The following FAM227B variants were observed in gnomAD, a reference collection of about 807,000 sequenced individuals.
FAM227B encodes the protein family with sequence similarity 227 member B, also known as protein FAM227B.
A neutral mutation model predicts 73.8 loss-of-function variants in FAM227B; 88 were observed. The observed-to-expected ratio is 1.19, with a 90% CI of 1.00 to 1.42. FAM227B has a LOEUF of 1.42. Among genes scored for constraint, FAM227B ranks in the 40% most tolerant of loss-of-function variants. The pLI, the probability that FAM227B is intolerant of heterozygous loss-of-function variation, is 0.00. For missense variants in FAM227B, 632 were observed against 590.9 expected, an observed-to-expected ratio of 1.07 and a Z score of -0.72; for synonymous variants, 210 against 190.5, an observed-to-expected ratio of 1.10 and a Z score of -0.84.
At chr15:49,365,750 A>G in intron 13 of FAM227B, 1 of 864,166 alleles carries the variant, frequency 1.2e-6, no homozygotes, top group South Asian at 1.3e-5. Context: ...ATCCAAGCCC[A>G]CCTGTCTTCA....
intron 11 of FAM227B, chr15:49,486,381 G>A (rs984922333): frequency 6.6e-6 from 1 of 151,946 alleles, no homozygotes; most frequent in African/African-American, 2.4e-5. Flanking sequence ...TTGCTAGCTA[G>A]GTTTTGAGGT....
At chr15:49,470,050 TTTA>T (rs2054598543) in intron 11 of FAM227B, among the ~76,000 whole-genome samples, 1 of 152,180 alleles carries the variant, frequency 6.6e-6, no homozygotes, top group African/African-American at 2.4e-5. Flanking sequence ...TCTGGTAAAA[TTTA>T]AGCCCTGCAT....
intron 9 of FAM227B, among the ~76,000 whole-genome samples, chr15:49,551,658 T>C (rs1474104526): frequency 6.6e-6 from 1 of 152,226 alleles, no homozygotes; most frequent in Non-Finnish European, 1.5e-5. Flanking sequence ...TTCTGTGTTC[T>C]TCTCTTCCTT....
intron 9 of FAM227B, among the ~76,000 whole-genome samples, chr15:49,546,820 A>G (rs1031017975): frequency 6.6e-6 from 1 of 152,206 alleles, no homozygotes; most frequent in Admixed American, 6.5e-5. Context: ...TGTACCTGAA[A>G]GTGATGGGGA....
chr15:49,568,255 G>A lies in FAM227B; in HGVS notation c.737C>T (p.Ala246Val). ...AATTTCAATGCTTACCTGAAAAAATGCATCCTTTCGACTTAGAGGTATGCT... is the reference window on the plus strand; with the variant it reads ...AATTTCAATGCTTACCTGAAAAAATACATCCTTTCGACTTAGAGGTATGCT... ...FMSIPLSRKDAFFQIYPDCLA... is the reference protein window; with the variant it reads ...FMSIPLSRKDVFFQIYPDCLA... Residue 246 changes from alanine (A) to valine (V), a missense_variant, in exon 9 of 16, where the codon GCA becomes GTA. By Grantham distance (64) the Ala-to-Val change is moderately conservative. Coordinates refer to ENST00000299338, the MANE Select transcript of FAM227B (RefSeq NM_152647.3). 1 of 1,604,176 alleles carries A rather than the reference G, an allele frequency of 6.2e-7. No individual in the cohort carries two copies. Among genetic ancestry groups the A allele is most frequent in the Admixed American group, 1.7e-5 (1 of 58,370 alleles).
chr15:49,416,072 T>A (rs1017443003), intron 11 of FAM227B, among the ~76,000 whole-genome samples: 1 of 151,972 alleles, frequency 6.6e-6, no homozygotes, highest in African/African-American at 2.4e-5. Flanking sequence ...TTCATTCACC[T>A]CTCACTACTT....
intron 11 of FAM227B, among the ~76,000 whole-genome samples, chr15:49,481,790 C>T (rs2055971192): frequency 6.6e-6 from 1 of 151,818 alleles, no homozygotes; most frequent in African/African-American, 2.4e-5. Flanking sequence ...TTAATAAAAC[C>T]CAATTTCTAG....
chr15:49,422,145 AGTGT>A (rs1555477439), intron 11 of FAM227B, among the ~76,000 whole-genome samples: 1 of 139,822 alleles, frequency 7.2e-6, no homozygotes, highest in Non-Finnish European at 1.6e-5. Flanking sequence ...AGAGAGAGAG[AGTGT>A]GTGTGTGTGT....
Position 49,371,377 on chromosome 15 carries a change from C to G in FAM227B, c.1035G>C (p.Lys345Asn). 1.9e-6 allele frequency: 3 copies of G among 1,576,886 alleles called. No individual in the cohort carries two copies. The highest frequency in any genetic ancestry group is 2.6e-6 in the Non-Finnish European group (3 of 1,157,508). Reference sequence around the variant, plus strand: ...TATATGCTCTTGGGTTGTTCAGAATCTTTATAATATTGAAGTCGATACCTA... The same window carrying G: ...TATATGCTCTTGGGTTGTTCAGAATGTTTATAATATTGAAGTCGATACCTA... ...ISTSIDFNIIKILNNPRAYTL... is the reference protein window; with the variant it reads ...ISTSIDFNIINILNNPRAYTL... The change falls in exon 12 of 16, where the codon AAG (lysine) becomes AAC (asparagine). Residue 345 changes from lysine to asparagine, a missense_variant. By Grantham distance (94) the Lys-to-Asn change is moderately conservative. Coordinates refer to ENST00000299338, the MANE Select transcript of FAM227B (RefSeq NM_152647.3).
At chr15:49,396,675 G>A (rs547451582) in intron 11 of FAM227B, among the ~76,000 whole-genome samples, 82 of 151,764 alleles carry the variant, frequency 5.4e-4, no homozygotes, top group African/African-American at 1.9e-3. Context: ...GCCTCCTCAA[G>A]TGGGTCCCTG....
intron 11 of FAM227B, among the ~76,000 whole-genome samples, chr15:49,427,643 T>G (rs984876331): frequency 1.3e-5 from 2 of 152,068 alleles, no homozygotes; most frequent in African/African-American, 4.8e-5. Context: ...CATGACTTTT[T>G]TTTGAATGAC....
chr15:49,501,276 G>T (rs2058109207), intron 11 of FAM227B, among the ~76,000 whole-genome samples: 1 of 152,232 alleles, frequency 6.6e-6, no homozygotes, highest in Non-Finnish European at 1.5e-5. Flanking sequence ...TTGGAAACTA[G>T]TTAAATGGTT....
Position 49,508,281 on chromosome 15 carries a change from A to T in FAM227B, c.942T>A (p.His314Gln), listed in dbSNP as rs1458547609. 2 of 1,611,410 alleles carry T rather than the reference A, an allele frequency of 1.2e-6. No homozygotes were observed. The highest frequency in any genetic ancestry group is 1.7e-5 in the Admixed American group (1 of 59,552). ...KLKELSTTTIHGSKKAPAKSV... is the reference protein window; with the variant it reads ...KLKELSTTTIQGSKKAPAKSV... ...ATTTTGCAGGTGCTTTTTTGCTACC[A>T]TGAATGGTGGTTGTGGAGAGTTCTT... Residue 314 changes from histidine (H) to glutamine (Q), a missense_variant, in exon 11 of 16, where the codon CAT becomes CAA. Coordinates refer to ENST00000299338, the MANE Select transcript of FAM227B (RefSeq NM_152647.3).
chr15:49,508,181 C>T, intron 11 of FAM227B, 30 bp downstream of exon 11: 9 of 1,586,676 alleles, frequency 5.7e-6, no homozygotes, highest in Non-Finnish European at 7.7e-6. Flanking sequence ...CTACCTATTC[C>T]ATTTGGCAGT....
intron 11 of FAM227B, among the ~76,000 whole-genome samples, chr15:49,417,498 G>A (rs74337682): frequency 0.024 from 3,622 of 152,146 alleles, 87 homozygotes; most frequent in South Asian, 0.13. Flanking sequence ...GGAACAGAAT[G>A]AGCCCAGAAA....
intron 1 of FAM227B, among the ~76,000 whole-genome samples, chr15:49,617,358 T>G (rs1279250200): frequency 2.0e-5 from 3 of 152,086 alleles, no homozygotes; most frequent in Non-Finnish European, 4.4e-5. Context: ...AATGCATCCC[T>G]GAAACCAAAA....
At position 49,589,943 on chromosome 15, in the gene FAM227B, A is replaced by AT. The variant is rs2076423251; in HGVS notation, c.169dup (p.Ile57AsnfsTer5). On this transcript the variant is annotated frameshift_variant, in exon 4 of 16. Coordinates refer to ENST00000299338, the MANE Select transcript of FAM227B (RefSeq NM_152647.3). LOFTEE classifies it high-confidence loss of function. ...TGAAACAAATGAACTATCTTCTTTT[A>AT]TTTTTTTCAGAGTGCATGACCATTT... 4 of 1,608,814 alleles carry AT rather than the reference A, an allele frequency of 2.5e-6. No homozygotes were observed. Among genetic ancestry groups the AT allele is most frequent in the Middle Eastern group, 1.7e-4 (1 of 6,052 alleles).
At chr15:49,558,235 G>C (rs1598219723) in intron 9 of FAM227B, among the ~76,000 whole-genome samples, 1 of 151,544 alleles carries the variant, frequency 6.6e-6, no homozygotes, top group East Asian at 1.9e-4. Context: ...TGCAAGGCAG[G>C]GCTTGCCAAC....
chr15:49,393,655 A>G lies in FAM227B; in HGVS notation c.1013-22256T>C, dbSNP rs74400623. On this transcript the variant is annotated intron_variant, in intron 11 of 15. Transcript: ENST00000299338. ...TTAACAGTTAAAATGAATGAATACA[A>G]TAAGGATTGGCTCTTACAAGGCTGG... Among the ~76,000 whole-genome samples the G allele has an allele frequency of 2.9e-3, 434 of 152,216 alleles. 6 individuals carry two copies. Among genetic ancestry groups the G allele is most frequent in the African/African-American group, 9.9e-3 (410 of 41,516 alleles).
Sources: allele counts gnomAD v4.1 joint callset (sites outside exome capture counted in the v4.1 genomes callset), GRCh38; gene constraint gnomAD v4.1.1; transcripts MANE v1.5; gene names NCBI Gene and HGNC (gene_info 2026-07-23, HGNC 2026-07-21).